The following ANO1 variants were observed in gnomAD, a reference collection of about 807,000 sequenced individuals.
ANO1 encodes anoctamin 1.
ANO1 carries 59 observed loss-of-function variants against 124.0 expected under a neutral mutation model. The ratio of observed to expected loss-of-function variants is 0.48; its 90% confidence interval spans 0.39 to 0.59. ANO1 has a LOEUF of 0.59. ANO1 is among the 20% of genes least tolerant of loss of function. The probability of loss-of-function intolerance (pLI) is 0.00; values close to 1 mark genes in which losing one functional copy is unlikely to be tolerated. For synonymous variants in ANO1, 529 were observed against 532.0 expected (o/e 0.99, Z 0.08); for missense variants, 1,059 against 1,328.0 (o/e 0.80, Z 3.15).
chr11:70,166,853 A>G (rs2048273840), intron 20 of ANO1, among the ~76,000 whole-genome samples: 1 of 152,208 alleles, frequency 6.6e-6, no homozygotes, highest in South Asian at 2.1e-4. Flanking sequence ...AAACTTAGAA[A>G]TATCACTGGA....
chr11:70,081,478 CAAAG>C (rs1438670856), intron 1 of ANO1, among the ~76,000 whole-genome samples: 3 of 152,138 alleles, frequency 2.0e-5, no homozygotes, highest in Admixed American at 6.5e-5. Flanking sequence ...TTTTAGAAGA[CAAAG>C]GAAGTTTAAA....
chr11:69,979,346 G>T, the ANO1 span, among the ~76,000 whole-genome samples: 1 of 152,194 alleles, frequency 6.6e-6, no homozygotes, highest in East Asian at 1.9e-4. Flanking sequence ...ATGGTGCTCT[G>T]GAAAGAGCTT....
At chr11:69,976,613 G>C in the ANO1 span, among the ~76,000 whole-genome samples, 1 of 150,172 alleles carries the variant, frequency 6.7e-6, no homozygotes, top group African/African-American at 2.5e-5. Flanking sequence ...ATCATGTGGG[G>C]ACACAGGGAG....
intron 11 of ANO1, among the ~76,000 whole-genome samples, chr11:70,148,769 G>A (rs2047475713): frequency 6.6e-6 from 1 of 152,212 alleles, no homozygotes; most frequent in Non-Finnish European, 1.5e-5. Flanking sequence ...TCTGTCCCAG[G>A]CACCTCTGGG....
intron 1 of ANO1, among the ~76,000 whole-genome samples, chr11:70,029,237 G>T (rs1555003541): frequency 1.3e-5 from 2 of 152,196 alleles, no homozygotes; most frequent in Admixed American, 1.3e-4. Flanking sequence ...TTGTCCTGTG[G>T]TGCTTTCCCT....
intron 8 of ANO1, among the ~76,000 whole-genome samples, chr11:70,120,566 A>G (rs2046219780): frequency 6.6e-6 from 1 of 152,082 alleles, no homozygotes; most frequent in African/African-American, 2.4e-5. Context: ...CATGTCATTC[A>G]TCCATCCATT....
intron 23 of ANO1, among the ~76,000 whole-genome samples, chr11:70,181,001 C>A (rs1444119276): frequency 6.6e-6 from 1 of 152,148 alleles, no homozygotes; most frequent in African/African-American, 2.4e-5. Context: ...CCTCAGCCTT[C>A]CCCATCGGGG....
intron 1 of ANO1, among the ~76,000 whole-genome samples, chr11:70,042,547 T>A (rs1462266782): frequency 8.1e-6 from 1 of 123,274 alleles, no homozygotes; most frequent in South Asian, 2.9e-4. Flanking sequence ...GATTGAGAGA[T>A]TGAGAGAGAG....
intron 11 of ANO1, among the ~76,000 whole-genome samples, chr11:70,139,588 T>C (rs1418365307): frequency 6.6e-6 from 1 of 151,760 alleles, no homozygotes; most frequent in Non-Finnish European, 1.5e-5. Context: ...CCTCCCAAAG[T>C]GCTGGGATTA....
intron 1 of ANO1, among the ~76,000 whole-genome samples, chr11:70,055,640 T>C (rs1555006730): frequency 3.9e-5 from 6 of 152,098 alleles, no homozygotes. Context: ...GTCATTTAAT[T>C]GGAATATTTA....
chr11:70,045,118 G>T (rs1438566076), intron 1 of ANO1, among the ~76,000 whole-genome samples: 1 of 152,150 alleles, frequency 6.6e-6, no homozygotes, highest in Non-Finnish European at 1.5e-5. Flanking sequence ...AGAAATATAA[G>T]GTAGAACAAA....
chr11:70,135,405 A>T (rs755127478), intron 11 of ANO1, among the ~76,000 whole-genome samples: 2 of 152,202 alleles, frequency 1.3e-5, no homozygotes, highest in Admixed American at 1.3e-4. Context: ...ACACAGGGTT[A>T]TGAATTACAG....
At chr11:70,076,979 G>A (rs1008561064), upstream of ANO1, among the ~76,000 whole-genome samples, 1 of 152,182 alleles carries the variant, frequency 6.6e-6, no homozygotes, top group African/African-American at 2.4e-5. Context: ...GAGGCTCTGA[G>A]GCCAAGGAGG....
At chr11:70,050,576 C>G (rs551911739) in intron 1 of ANO1, among the ~76,000 whole-genome samples, 1 of 152,168 alleles carries the variant, frequency 6.6e-6, no homozygotes, top group Non-Finnish European at 1.5e-5. Context: ...ACTGCTGCAC[C>G]ACTGTTGGGG....
chr11:70,034,725 C>T (rs1344528187), intron 1 of ANO1, among the ~76,000 whole-genome samples: 1 of 152,136 alleles, frequency 6.6e-6, no homozygotes, highest in African/African-American at 2.4e-5. Flanking sequence ...AGAGCTAAGG[C>T]ACTCTTCCCA....
intron 11 of ANO1, among the ~76,000 whole-genome samples, chr11:70,145,988 A>AATAC (rs2047364150): frequency 6.6e-6 from 1 of 151,746 alleles, no homozygotes; most frequent in Non-Finnish European, 1.5e-5. Context: ...ACCAAGGTTC[A>AATAC]ATACCAGCCA....
intron 14 of ANO1, among the ~76,000 whole-genome samples, chr11:70,154,211 C>T (rs1322961746): frequency 6.6e-6 from 1 of 152,182 alleles, no homozygotes; most frequent in African/African-American, 2.4e-5. Context: ...CAGGTCCTGA[C>T]CTTGTGTCAT....
At chr11:70,009,461 C>T (rs781912692) in intron 1 of ANO1, among the ~76,000 whole-genome samples, 34 of 152,156 alleles carry the variant, frequency 2.2e-4, no homozygotes, top group Non-Finnish European at 5.0e-4. Context: ...TTCTTCTTTC[C>T]CTGGACCTGA....
At chr11:70,006,296 T>G (rs1555000016) in intron 1 of ANO1, among the ~76,000 whole-genome samples, 1 of 152,170 alleles carries the variant, frequency 6.6e-6, no homozygotes, top group Non-Finnish European at 1.5e-5. Context: ...CAACCTGGTT[T>G]TCCCCCTCCC....
Sources: gnomAD v4.1 joint callset for allele counts (sites outside exome capture counted in the v4.1 genomes callset) on GRCh38, gnomAD v4.1.1 for gene constraint, MANE v1.5 for transcripts, NCBI Gene and HGNC (gene_info 2026-07-23, HGNC 2026-07-21) for gene names.